OPCML: variants seen among roughly 807,000 people sequenced by gnomAD.
OPCML encodes opioid binding protein/cell adhesion molecule like, also known as opioid-binding protein/cell adhesion molecule.
OPCML carries 13 observed loss-of-function variants against 37.8 expected under a neutral mutation model. That is an observed-to-expected ratio of 0.34 (90% CI 0.22 to 0.55). The LOEUF is 0.55. OPCML is among the 20% of genes least tolerant of loss of function. OPCML has a pLI of 0.91. For missense variants in OPCML, 341 were observed against 435.6 expected (o/e 0.78, Z 1.93); for synonymous variants, 176 against 168.8 (o/e 1.04, Z -0.33).
At chr11:133,503,376 G>T (rs929919546) in intron 1 of OPCML, among the ~76,000 whole-genome samples, 3 of 152,230 alleles carry the variant, frequency 2.0e-5, no homozygotes, top group South Asian at 2.1e-4. Flanking sequence ...AACTCAGCTG[G>T]TCAACAACCC....
intron 2 of OPCML, among the ~76,000 whole-genome samples, chr11:132,744,594 G>A (rs917179770): frequency 5.3e-5 from 8 of 152,160 alleles, no homozygotes; most frequent in African/African-American, 9.7e-5. Flanking sequence ...CTGTTATTGA[G>A]GAAAGAACAG....
At chr11:132,818,587 TTAGA>T (rs1555193663) in intron 2 of OPCML, among the ~76,000 whole-genome samples, 5 of 138,030 alleles carry the variant, frequency 3.6e-5, no homozygotes, top group East Asian at 2.1e-4. Flanking sequence ...TCTCTCTCTC[TTAGA>T]TAGATAGATA....
chr11:132,649,928 T>TACAC (rs61282644), intron 3 of OPCML, among the ~76,000 whole-genome samples: 182 of 147,866 alleles, frequency 1.2e-3, no homozygotes, highest in African/African-American at 3.5e-3. Context: ...CACGCACTGT[T>TACAC]ACACACACAC....
chr11:133,192,486 C>G (rs1031082844), intron 1 of OPCML, among the ~76,000 whole-genome samples: 1 of 152,224 alleles, frequency 6.6e-6, no homozygotes, highest in Non-Finnish European at 1.5e-5. Flanking sequence ...TTCTATTACC[C>G]TTGCAGTTAC....
intron 4 of OPCML, among the ~76,000 whole-genome samples, chr11:132,451,881 T>A (rs1362212227): frequency 6.6e-6 from 1 of 152,154 alleles, no homozygotes; most frequent in Non-Finnish European, 1.5e-5. Flanking sequence ...CTTTCTAGGT[T>A]TTTTGTGCCC....
At chr11:132,530,214 T>C (rs1361446872) in intron 3 of OPCML, among the ~76,000 whole-genome samples, 2 of 152,148 alleles carry the variant, frequency 1.3e-5, no homozygotes, top group Non-Finnish European at 2.9e-5. Flanking sequence ...TTTCCTCTCA[T>C]GGGCCAGGAC....
intron 1 of OPCML, among the ~76,000 whole-genome samples, chr11:133,149,103 C>T (rs999096723): frequency 2.0e-5 from 3 of 152,282 alleles, no homozygotes; most frequent in East Asian, 1.9e-4. Context: ...CCCAGACAGC[C>T]ACCTCAATTC....
At chr11:133,447,399 G>A (rs376964061) in intron 1 of OPCML, among the ~76,000 whole-genome samples, 35 of 152,150 alleles carry the variant, frequency 2.3e-4, no homozygotes, top group African/African-American at 7.7e-4. Flanking sequence ...GATTCAAGCA[G>A]TACATGCACA....
intron 1 of OPCML, among the ~76,000 whole-genome samples, chr11:133,228,954 A>C (rs1940158828): frequency 6.6e-6 from 1 of 152,112 alleles, no homozygotes; most frequent in Non-Finnish European, 1.5e-5. Flanking sequence ...TTTAAAACCA[A>C]AGTGTCCCAG....
At position 133,232,202 on chromosome 11, in the gene OPCML, A is replaced by G. The variant is rs541114663; in HGVS notation, c.62-289192T>C. Among the ~76,000 whole-genome samples the G allele has an allele frequency of 8.5e-4, 129 of 152,156 alleles. 1 individual carries two copies. Among genetic ancestry groups the G allele is most frequent in the African/African-American group, 3.1e-3 (128 of 41,562 alleles). On this transcript the variant is annotated intron_variant, in intron 1 of 7. Transcript: ENST00000524381. ...GGCTCCCCAGATGTCCTTCAGCAAGAGTGAATTTCTAGTGTGGGCAGCTCC... is the reference window on the plus strand; with the variant it reads ...GGCTCCCCAGATGTCCTTCAGCAAGGGTGAATTTCTAGTGTGGGCAGCTCC...
chr11:132,492,682 AGAG>A (rs1248189723), intron 4 of OPCML, among the ~76,000 whole-genome samples: 1 of 152,282 alleles, frequency 6.6e-6, no homozygotes, highest in East Asian at 1.9e-4. Context: ...TCAGGAATTC[AGAG>A]GAGAGGTTTG....
intron 1 of OPCML, among the ~76,000 whole-genome samples, chr11:133,391,012 T>C (rs7950688): frequency 0.47 from 71,805 of 152,022 alleles, 19,670 homozygotes; most frequent in African/African-American, 0.77. Flanking sequence ...TTAGCAGAGG[T>C]AGCCAATTTC....
chr11:132,760,066 A>G (rs980453806), intron 2 of OPCML, among the ~76,000 whole-genome samples: 2 of 152,196 alleles, frequency 1.3e-5, no homozygotes. Context: ...CCCAGTAGTC[A>G]TTCAGGAGCA....
intron 4 of OPCML, among the ~76,000 whole-genome samples, chr11:132,477,198 C>T (rs2096159400): frequency 6.6e-6 from 1 of 152,190 alleles, no homozygotes; most frequent in Non-Finnish European, 1.5e-5. Context: ...CAAGATGGCT[C>T]TTGAAGCCAA....
intron 2 of OPCML, among the ~76,000 whole-genome samples, chr11:132,829,724 T>G (rs1032170677): frequency 9.2e-5 from 14 of 152,224 alleles, no homozygotes; most frequent in Non-Finnish European, 8.8e-5. Context: ...GAATCCTTTC[T>G]GTTTTTGGGG....
At position 133,460,640 on chromosome 11, in the gene OPCML, C is replaced by T. The variant is rs150780606; in HGVS notation, c.61+71624G>A. 4.3e-3 allele frequency among the ~76,000 whole-genome samples: 657 copies of T among 151,664 alleles called. 5 individuals carry two copies. The highest frequency in any genetic ancestry group is 0.015 in the African/African-American group (627 of 41,420). Reference sequence around the variant, plus strand: ...CACACACCTTACCAGGACTGAATCACGAAGAAATAAAAAATTTGAATAGAC... The same window carrying T: ...CACACACCTTACCAGGACTGAATCATGAAGAAATAAAAAATTTGAATAGAC... On this transcript the variant is annotated intron_variant, in intron 1 of 7. Coordinates refer to ENST00000524381, the MANE Select transcript of OPCML (RefSeq NM_001012393.5).
intron 1 of OPCML, among the ~76,000 whole-genome samples, chr11:133,204,295 G>A (rs149827055): frequency 8.2e-4 from 125 of 152,310 alleles, no homozygotes; most frequent in African/African-American, 2.8e-3. Flanking sequence ...GCCCACATTT[G>A]AAATTTCTAT....
chr11:132,553,026 AGTGCT>A (rs1482783252), intron 3 of OPCML, among the ~76,000 whole-genome samples: 2 of 152,094 alleles, frequency 1.3e-5, no homozygotes, highest in East Asian at 3.9e-4. Flanking sequence ...GGCCTCCCAA[AGTGCT>A]GGGATTACAG....
chr11:132,657,338 T>G lies in OPCML; in HGVS notation c.147-19A>C. ...GGTACACCTGCAGTGAGGCAGGGAG[T>G]GGTGGAGGGAGGAAGAAGGGAAAGA... On this transcript the variant is annotated intron_variant, in intron 2 of 7. Coordinates refer to ENST00000524381, the MANE Select transcript of OPCML (RefSeq NM_001012393.5). The G allele has an allele frequency of 6.2e-7, 1 of 1,612,062 alleles. No individual in the cohort carries two copies. The highest frequency in any genetic ancestry group is 8.5e-7 in the Non-Finnish European group (1 of 1,178,702).
Sources: allele counts gnomAD v4.1 joint callset (sites outside exome capture counted in the v4.1 genomes callset), GRCh38; gene constraint gnomAD v4.1.1; transcripts MANE v1.5; gene names NCBI Gene and HGNC (gene_info 2026-07-23, HGNC 2026-07-21).